The following TTC39B variants were observed in gnomAD, a reference collection of about 807,000 sequenced individuals.
TTC39B encodes the protein tetratricopeptide repeat protein 39B.
TTC39B carries 92 observed loss-of-function variants against 96.6 expected under a neutral mutation model. That is an observed-to-expected ratio of 0.95 (90% CI 0.80 to 1.13). TTC39B has a LOEUF of 1.13. Ranked by LOEUF, TTC39B falls within the 50% of genes most tolerant of loss-of-function variation. The pLI, the probability that TTC39B is intolerant of heterozygous loss-of-function variation, is 0.00. For missense variants in TTC39B, 955 were observed against 809.3 expected (o/e 1.18, Z -2.18); for synonymous variants, 367 against 299.4 (o/e 1.23, Z -2.33).
chr9:15,268,040 G>A (rs1166893079), intron 1 of TTC39B, 92 bp from the exon 2 acceptor site: 11 of 1,170,128 alleles, frequency 9.4e-6, no homozygotes, highest in Admixed American at 1.8e-5. Flanking sequence ...ACGCATTGGG[G>A]AGAGTGGTCC....
rs374054306 is a variant in TTC39B, at chr9:15,218,635, A to AAAATATATATATAT, written c.372-4387_372-4386insATATATATATATTT. On this transcript the variant is annotated intron_variant, in intron 3 of 19. Coordinates refer to ENST00000512701, the Ensembl canonical transcript of TTC39B. ...AGGATGAATTTTTTAGTCTATTTTA[A>AAAATATATATATAT]ATATATATATATAATGAACACATAA... is the stretch of plus-strand genomic sequence containing the variant. Among the ~76,000 whole-genome samples, 195 of 149,514 alleles carry AAAATATATATATAT rather than the reference A, an allele frequency of 1.3e-3. 2 individuals are homozygous for AAAATATATATATAT. Among genetic ancestry groups the AAAATATATATATAT allele is most frequent in the Middle Eastern group, 3.5e-3 (1 of 282 alleles).
At chr9:15,167,287 G>GC (rs1817548572) in exon 20 of TTC39B, 1 of 121,320 alleles carries the variant, frequency 8.2e-6, no homozygotes, top group Non-Finnish European at 1.6e-5. Flanking sequence ...CCCAAGTGAC[G>GC]CCCCCCAACT....
intron 1 of TTC39B, among the ~76,000 whole-genome samples, chr9:15,298,209 G>C (rs7022005): frequency 0.15 from 23,461 of 152,068 alleles, 3,252 homozygotes; most frequent in African/African-American, 0.37. Flanking sequence ...CCCAGGTTCT[G>C]AAGCCTTCAT....
chr9:15,265,265 A>T (rs1246241058), intron 2 of TTC39B, among the ~76,000 whole-genome samples: 1 of 152,200 alleles, frequency 6.6e-6, no homozygotes, highest in Non-Finnish European at 1.5e-5. Flanking sequence ...CTACCAGCCT[A>T]CTGAAGCCAG....
Position 15,256,585 on chromosome 9 carries a change from T to C in TTC39B, c.275+11329A>G, listed in dbSNP as rs542137898. On this transcript the variant is annotated intron_variant, in intron 2 of 19. Transcript: ENST00000512701. ...GATCAAAAAACAAGTAACAATTAAC[T>C]GCAAAATGAGAAATGGAGTGATAGA... is the stretch of plus-strand genomic sequence containing the variant. Among the ~76,000 whole-genome samples the C allele has an allele frequency of 7.0e-4, 106 of 152,204 alleles. 1 individual carries two copies. The South Asian group carries it at 0.022, about 32-fold the overall frequency.
At chr9:15,199,617 C>T (rs1464990918) in intron 8 of TTC39B, among the ~76,000 whole-genome samples, 1 of 151,264 alleles carries the variant, frequency 6.6e-6, no homozygotes, top group Non-Finnish European at 1.5e-5. Flanking sequence ...CGCCTGTAGT[C>T]CCAGCTACTC....
At chr9:15,226,460 C>T (rs927188192) in intron 2 of TTC39B, among the ~76,000 whole-genome samples, 4 of 152,158 alleles carry the variant, frequency 2.6e-5, no homozygotes, top group African/African-American at 9.7e-5. Context: ...ATCATAGCAT[C>T]TGCAACATGC....
intron 6 of TTC39B, among the ~76,000 whole-genome samples, chr9:15,204,845 C>T (rs1415709497): frequency 6.6e-6 from 1 of 152,168 alleles, no homozygotes; most frequent in Non-Finnish European, 1.5e-5. Context: ...TTAGGTGGGG[C>T]TCTGTGCATC....
At chr9:15,228,910 G>T (rs374915554) in intron 2 of TTC39B, among the ~76,000 whole-genome samples, 48 of 152,248 alleles carry the variant, frequency 3.2e-4, no homozygotes, top group African/African-American at 1.1e-3. Context: ...AGGTATAAAA[G>T]ATTAGATTCA....
At chr9:15,273,753 G>A (rs1213451764) in intron 1 of TTC39B, among the ~76,000 whole-genome samples, 1 of 152,164 alleles carries the variant, frequency 6.6e-6, no homozygotes, top group South Asian at 2.1e-4. Context: ...GAAGCTGTGT[G>A]TTTGGTATCA....
chr9:15,232,008 C>G (rs1453043613), intron 2 of TTC39B, among the ~76,000 whole-genome samples: 2 of 152,134 alleles, frequency 1.3e-5, no homozygotes, highest in African/African-American at 4.8e-5. Context: ...AGGGCTGGAG[C>G]TTGAGCTCGT....
At chr9:15,267,032 T>G (rs568223875) in intron 2 of TTC39B, among the ~76,000 whole-genome samples, 1 of 152,188 alleles carries the variant, frequency 6.6e-6, no homozygotes, top group Admixed American at 6.5e-5. Flanking sequence ...TGAGCCGAGA[T>G]CGTGCCACTG....
intron 17 of TTC39B, among the ~76,000 whole-genome samples, chr9:15,181,043 G>A (rs1311599773): frequency 6.6e-6 from 1 of 152,014 alleles, no homozygotes; most frequent in Non-Finnish European, 1.5e-5. Flanking sequence ...AGAGTGACTT[G>A]GTTTTCCAAA....
intron 6 of TTC39B, among the ~76,000 whole-genome samples, chr9:15,205,604 C>T (rs1045017776): frequency 2.6e-5 from 4 of 152,246 alleles, no homozygotes; most frequent in Non-Finnish European, 5.9e-5. Flanking sequence ...TCCTTCAGAA[C>T]ACCTCTCCTC....
intron 1 of TTC39B, among the ~76,000 whole-genome samples, chr9:15,275,866 G>C (rs892159793): frequency 1.7e-5 from 2 of 119,970 alleles, no homozygotes; most frequent in South Asian, 2.7e-4. Flanking sequence ...CAAAGTGCTA[G>C]TAATAAAGCA....
At chr9:15,279,039 T>C (rs923845030) in intron 1 of TTC39B, among the ~76,000 whole-genome samples, 1 of 152,248 alleles carries the variant, frequency 6.6e-6, no homozygotes, top group African/African-American at 2.4e-5. Flanking sequence ...ATCTGTGCAA[T>C]GGGAATAATA....
At chr9:15,250,380 G>A (rs927486781) in intron 2 of TTC39B, among the ~76,000 whole-genome samples, 3 of 151,544 alleles carry the variant, frequency 2.0e-5, no homozygotes, top group African/African-American at 7.3e-5. Context: ...CCTAATCCAG[G>A]GATTCATGTC....
intron 13 of TTC39B, 107 bp from the exon 14 acceptor site, chr9:15,188,239 C>G: frequency 9.7e-7 from 1 of 1,030,470 alleles, no homozygotes; most frequent in Non-Finnish European, 1.4e-6. Context: ...AAAATTATCA[C>G]TCATTAAACC....
intron 2 of TTC39B, among the ~76,000 whole-genome samples, chr9:15,239,469 T>A (rs1051086421): frequency 1.3e-5 from 2 of 152,256 alleles, no homozygotes; most frequent in African/African-American, 4.8e-5. Context: ...TGCACTCATA[T>A]GTTTATCACA....
Sources: gnomAD v4.1 joint callset for allele counts (sites outside exome capture counted in the v4.1 genomes callset) on GRCh38, gnomAD v4.1.1 for gene constraint, MANE v1.5 for transcripts, NCBI Gene and HGNC (gene_info 2026-07-23, HGNC 2026-07-21) for gene names.